The following PLBD1 variants were observed in gnomAD, a reference collection of about 807,000 sequenced individuals.
PLBD1 encodes phospholipase B domain containing 1, also known as lysosomal leucine aminopeptidase.
PLBD1 carries 60 observed loss-of-function variants against 63.0 expected under a neutral mutation model. The ratio of observed to expected loss-of-function variants is 0.95; its 90% CI spans 0.77 to 1.18. The LOEUF is 1.18. Ranked by LOEUF, PLBD1 falls within the 50% of genes most tolerant of loss-of-function variation. The pLI is 0.00. For synonymous variants in PLBD1, 262 were observed against 248.0 expected (o/e 1.06, Z -0.53); for missense variants, 598 against 677.9 (o/e 0.88, Z 1.31).
intron 9 of PLBD1, among the ~76,000 whole-genome samples, chr12:14,506,613 G>A (rs1945257856): frequency 6.6e-6 from 1 of 152,042 alleles, no homozygotes; most frequent in Admixed American, 6.6e-5. Flanking sequence ...ACAATGTTTT[G>A]TTTTATTAGC....
At chr12:14,546,413 C>T (rs540466204) in intron 2 of PLBD1, among the ~76,000 whole-genome samples, 313 of 152,178 alleles carry the variant, frequency 2.1e-3, no homozygotes, top group Non-Finnish European at 3.9e-3. Flanking sequence ...TTACAATGCT[C>T]ACTCAGGTAA....
chr12:14,518,314 A>C (rs981389505), intron 6 of PLBD1, among the ~76,000 whole-genome samples: 1 of 152,220 alleles, frequency 6.6e-6, no homozygotes, highest in African/African-American at 2.4e-5. Context: ...GTTGAACACA[A>C]ACAAGCTTAT....
rs370735405 is a variant in PLBD1, at chr12:14,553,853, G to A, written c.116-441C>T. 4.6e-4 allele frequency: 84 copies of A among 184,290 alleles called. 1 individual carries two copies. Among genetic ancestry groups the A allele is most frequent in the African/African-American group, 1.9e-3 (80 of 42,554 alleles). 11.4% of individuals were successfully genotyped at this position (184,290 alleles called of 1,614,324 possible). Reference sequence around the variant, plus strand: ...TTGACTGAGCGCTCAGCTTCAGGAGGGACGCACATGGAGCAGTGAGGGAGG... The same window carrying A: ...TTGACTGAGCGCTCAGCTTCAGGAGAGACGCACATGGAGCAGTGAGGGAGG... On this transcript the variant is annotated intron_variant, in intron 1 of 10. Transcript: ENST00000240617.
intron 1 of PLBD1, among the ~76,000 whole-genome samples, chr12:14,558,026 T>TA (rs1338464390): frequency 1.6e-5 from 2 of 127,494 alleles, no homozygotes; most frequent in Non-Finnish European, 3.2e-5. Context: ...GTGGTACATA[T>TA]ACACAATGAA....
intron 1 of PLBD1, 34 bp downstream of exon 1, chr12:14,567,548 C>T: frequency 2.7e-6 from 4 of 1,465,942 alleles, no homozygotes; most frequent in African/African-American, 1.5e-5. Context: ...GGAGCCTCCC[C>T]GGGCGCCCCC....
chr12:14,531,663 C>T (rs1945463172), intron 6 of PLBD1, among the ~76,000 whole-genome samples: 1 of 152,176 alleles, frequency 6.6e-6, no homozygotes, highest in South Asian at 2.1e-4. Flanking sequence ...CGAGGCCTCA[C>T]TCTGTCCCCC....
intron 1 of PLBD1, among the ~76,000 whole-genome samples, chr12:14,556,861 G>C (rs1945709587): frequency 6.6e-6 from 1 of 151,668 alleles, no homozygotes; most frequent in Non-Finnish European, 1.5e-5. Context: ...ACGTAAGCCT[G>C]TAATTCCAAC....
At chr12:14,535,929 G>T in intron 5 of PLBD1, 126 bp from the exon 6 acceptor site, 1 of 928,040 alleles carries the variant, frequency 1.1e-6, no homozygotes. Context: ...ACTGATTATT[G>T]GAAAATATGG....
intron 2 of PLBD1, among the ~76,000 whole-genome samples, chr12:14,548,716 G>C (rs569923579): frequency 6.6e-6 from 1 of 152,242 alleles, no homozygotes; most frequent in African/African-American, 2.4e-5. Context: ...TAAGTAAAAG[G>C]AGTTGCCTTT....
chr12:14,539,344 G>A (rs1592004031), intron 4 of PLBD1, among the ~76,000 whole-genome samples: 1 of 151,840 alleles, frequency 6.6e-6, no homozygotes, highest in South Asian at 2.1e-4. Flanking sequence ...CTCCTTTCCC[G>A]CCAGCGGTCA....
At position 14,567,760 on chromosome 12, in the gene PLBD1, G is replaced by T; in HGVS notation, c.-64C>A. Reference sequence around the variant, plus strand: ...GCCGCGGTGGCCCGCGGTGGCAGAAGTTGCAAGAGAGGCTCCTGGCCTACT... The same window carrying T: ...GCCGCGGTGGCCCGCGGTGGCAGAATTTGCAAGAGAGGCTCCTGGCCTACT... On this transcript the variant is annotated 5_prime_UTR_variant, in exon 1 of 11. Transcript: ENST00000240617. 2 of 1,381,700 alleles carry T rather than the reference G, an allele frequency of 1.4e-6. No homozygotes were observed. The highest frequency in any genetic ancestry group is 1.9e-6 in the Non-Finnish European group (2 of 1,079,324). 85.6% of individuals were successfully genotyped at this position (1,381,700 alleles called of 1,614,324 possible). A position where few individuals can be genotyped will look rare whatever the true frequency, so the allele number is the denominator to read the frequency against.
chr12:14,537,092 A>C (rs1434285849), intron 4 of PLBD1, among the ~76,000 whole-genome samples: 2 of 150,676 alleles, frequency 1.3e-5, no homozygotes, highest in Non-Finnish European at 2.9e-5. Context: ...GCATCTCAAA[A>C]AAAAAAAAAA....
intron 1 of PLBD1, among the ~76,000 whole-genome samples, chr12:14,557,152 T>C (rs976716718): frequency 2.6e-5 from 4 of 152,036 alleles, no homozygotes; most frequent in African/African-American, 2.4e-5. Flanking sequence ...ATGGCTATTA[T>C]TTAAAATGTC....
chr12:14,567,605 G>C lies in PLBD1; in HGVS notation c.92C>G (p.Thr31Ser), dbSNP rs1350784736. The change falls in exon 1 of 11, where the codon ACC becomes AGC. Residue 31 changes from threonine (T) to serine (S), a missense_variant. By Grantham distance (58) the Thr-to-Ser change is moderately conservative (BLOSUM62 1). Transcript: ENST00000240617. ...LLLLLPLLLVTAEPPKPAGVY... is the reference protein window; with the variant it reads ...LLLLLPLLLVSAEPPKPAGVY... ...ACCTGCAGGTTTCGGCGGCTCCGCG[G>C]TGACTAACAACAGCGGCAGCAGCAG... The C allele has an allele frequency of 1.3e-6, 2 of 1,497,950 alleles. No homozygotes were observed. The highest frequency in any genetic ancestry group is 2.5e-5 in the South Asian group (2 of 81,100). 92.8% of individuals were successfully genotyped at this position (1,497,950 alleles called of 1,614,324 possible).
At position 14,511,294 on chromosome 12, in the gene PLBD1, T is replaced by G; in HGVS notation, c.1152A>C (p.Val384=). The part of the protein sequence containing the change: ...LYIVEQIPTY[V]EYSEQTDVLR... ...GAACATCAGTTTGTTCAGAATATTC[T>G]ACATATGTAGGAATTTGCTCCACAA... The change falls in exon 8 of 11, where the codon GTA becomes GTC. Residue 384 remains valine, a synonymous_variant. Coordinates refer to ENST00000240617, the MANE Select transcript of PLBD1 (RefSeq NM_024829.6). The G allele has an allele frequency of 6.2e-7, 1 of 1,605,324 alleles. No homozygotes were observed.
intron 7 of PLBD1, 44 bp from the exon 8 acceptor site, chr12:14,511,444 T>C (rs1945297695): frequency 1.9e-6 from 3 of 1,613,730 alleles, no homozygotes; most frequent in East Asian, 2.2e-5. Context: ...GGTATGACTT[T>C]ACTGGTTAAC....
chr12:14,564,580 C>G (rs1261662073), intron 1 of PLBD1, among the ~76,000 whole-genome samples: 1 of 152,230 alleles, frequency 6.6e-6, no homozygotes, highest in Non-Finnish European at 1.5e-5. Context: ...CTAGAGCAGA[C>G]CTCACAAATA....
At chr12:14,534,430 A>T (rs1013885028) in intron 6 of PLBD1, among the ~76,000 whole-genome samples, 1 of 152,132 alleles carries the variant, frequency 6.6e-6, no homozygotes, top group African/African-American at 2.4e-5. Flanking sequence ...TTTTATCTTA[A>T]GTTGGAGGGT....
chr12:14,538,719 C>T lies in PLBD1; in HGVS notation c.559-2009G>A, dbSNP rs528994093. ...TAGATATTGCCAAATTGTCCTCATA[C>T]GAATTGTTTAAATTATACTCTTCTG... is the stretch of plus-strand genomic sequence containing the variant. On this transcript the variant is annotated intron_variant, in intron 4 of 10. Transcript: ENST00000240617. Among the ~76,000 whole-genome samples the T allele has an allele frequency of 1.2e-4, 18 of 152,116 alleles. No homozygotes were observed. In the South Asian group the frequency reaches 2.7e-3, roughly 23 times the overall value.
Sources: gnomAD v4.1 joint callset for allele counts (sites outside exome capture counted in the v4.1 genomes callset) on GRCh38, gnomAD v4.1.1 for gene constraint, MANE v1.5 for transcripts, NCBI Gene and HGNC (gene_info 2026-07-23, HGNC 2026-07-21) for gene names.